Variants in CIB4 observed in about 807,000 individuals in gnomAD.
The protein encoded by CIB4 is calcium and integrin-binding family member 4.
A neutral mutation model predicts 25.8 loss-of-function variants in CIB4; 25 were observed. That is an observed-to-expected ratio of 0.97 (90% CI 0.71 to 1.35). CIB4 has a LOEUF of 1.35. CIB4 is among the 40% of genes most tolerant of loss of function. The probability of loss-of-function intolerance (pLI) is 0.00; values close to 1 mark genes in which losing one functional copy is unlikely to be tolerated. For synonymous variants in CIB4, 75 were observed against 81.4 expected (o/e 0.92, Z 0.42); for missense variants, 235 against 228.2 (o/e 1.03, Z -0.19).
At position 26,596,762 on chromosome 2, in the gene CIB4, A is replaced by G. The variant is rs922924783; in HGVS notation, c.187-1445T>C. 1.4e-4 allele frequency among the ~76,000 whole-genome samples: 20 copies of G among 142,548 alleles called. No individual in the cohort carries two copies. In the East Asian group the frequency reaches 3.7e-3, roughly 27 times the overall value. 93.5% of individuals were successfully genotyped at this position (142,548 alleles called of 152,430 possible). On this transcript the variant is annotated intron_variant, in intron 3 of 6. Transcript: ENST00000288861. ...AACTGCATCTAAAAAAAAAAAAAAA[A>G]GTAAAGCTTATACAGTGATTTGTAA... is the stretch of plus-strand genomic sequence containing the variant.
chr2:26,585,279 C>G (rs183686906), intron 4 of CIB4, among the ~76,000 whole-genome samples: 90 of 147,936 alleles, frequency 6.1e-4, no homozygotes, highest in African/African-American at 2.4e-3. Context: ...CCTGGGATGC[C>G]AGGCAGGGAC....
chr2:26,620,915 C>G (rs1312040146), intron 3 of CIB4, among the ~76,000 whole-genome samples: 1 of 151,954 alleles, frequency 6.6e-6, no homozygotes, highest in Non-Finnish European at 1.5e-5. Flanking sequence ...GTGAAAAACC[C>G]TATTAGAGTT....
At chr2:26,595,576 T>A (rs1035264536) in intron 3 of CIB4, among the ~76,000 whole-genome samples, 2 of 152,248 alleles carry the variant, frequency 1.3e-5, no homozygotes, top group African/African-American at 2.4e-5. Context: ...ATGGTTATAA[T>A]GCAAATGCAA....
At chr2:26,598,994 T>C (rs565717085) in intron 3 of CIB4, among the ~76,000 whole-genome samples, 1 of 152,344 alleles carries the variant, frequency 6.6e-6, no homozygotes, top group East Asian at 1.9e-4. Context: ...AGGTCCAGTT[T>C]ACTGGATTCC....
chr2:26,586,835 A>G (rs1024397255), intron 4 of CIB4, among the ~76,000 whole-genome samples: 1 of 152,164 alleles, frequency 6.6e-6, no homozygotes. Context: ...CCATGTGACC[A>G]TGTTCTGGCC....
In CIB4 at chr2:26,583,779, C is replaced by A; in HGVS notation, c.438+10G>T. The A allele has an allele frequency of 1.3e-6, 2 of 1,575,380 alleles. No individual in the cohort carries two copies. The highest frequency in any genetic ancestry group is 1.7e-6 in the Non-Finnish European group (2 of 1,146,158). On this transcript the variant is annotated intron_variant, in intron 5 of 6. Coordinates refer to ENST00000288861, the MANE Select transcript of CIB4 (RefSeq NM_001029881.3). ...GCCCCAGCCACCAACTCCCAGCCCC[C>A]AGCACACACGTGGTTCGTGAGGTCC...
chr2:26,631,316 A>G (rs1669416283), intron 2 of CIB4, among the ~76,000 whole-genome samples: 1 of 152,154 alleles, frequency 6.6e-6, no homozygotes, highest in Non-Finnish European at 1.5e-5. Context: ...TTCTACAAAA[A>G]AATTGAAAAT....
At chr2:26,589,361 C>A (rs568458321) in intron 4 of CIB4, among the ~76,000 whole-genome samples, 4 of 151,910 alleles carry the variant, frequency 2.6e-5, no homozygotes, top group South Asian at 4.2e-4. Flanking sequence ...CACTCTTCTT[C>A]CCCAGGCTGG....
intron 3 of CIB4, among the ~76,000 whole-genome samples, chr2:26,617,080 A>G (rs1662980): frequency 0.45 from 67,496 of 151,212 alleles, 16,499 homozygotes; most frequent in Non-Finnish European, 0.55. Context: ...GAGACCAGGG[A>G]AGTGGTTTGT....
At chr2:26,615,679 A>G (rs1669078379) in intron 3 of CIB4, among the ~76,000 whole-genome samples, 1 of 152,220 alleles carries the variant, frequency 6.6e-6, no homozygotes. Context: ...TGAGGCCCTG[A>G]GAAGGGTGGT....
intron 4 of CIB4, among the ~76,000 whole-genome samples, chr2:26,588,485 G>A (rs909505315): frequency 9.9e-5 from 15 of 152,212 alleles, no homozygotes; most frequent in Non-Finnish European, 2.2e-4. Context: ...GCTAGGAGGG[G>A]CTCAGAGAGC....
chr2:26,623,719 A>T (rs1669247759), intron 3 of CIB4: 1 of 350,316 alleles, frequency 2.9e-6, no homozygotes, highest in African/African-American at 2.1e-5. Flanking sequence ...AGCCCGGAGC[A>T]GGAGGAGGGA....
At chr2:26,618,140 C>T (rs1396947761) in intron 3 of CIB4, among the ~76,000 whole-genome samples, 1 of 152,190 alleles carries the variant, frequency 6.6e-6, no homozygotes, top group Non-Finnish European at 1.5e-5. Flanking sequence ...AGTCCAGGCC[C>T]TGCCTCCCTC....
At chr2:26,634,822 G>T (rs927082006) in intron 2 of CIB4, among the ~76,000 whole-genome samples, 2 of 152,248 alleles carry the variant, frequency 1.3e-5, no homozygotes, top group African/African-American at 4.8e-5. Flanking sequence ...CTGAGCAGAG[G>T]CTGGAAGCAA....
In CIB4 at chr2:26,610,349, T is replaced by G. The variant is rs1003510941; in HGVS notation, c.187-15032A>C. ...GAAATGGACTCGCACTGCAGCCTCC[T>G]CTCACCAATAGCCGCCTCTCCCCCT... On this transcript the variant is annotated intron_variant, in intron 3 of 6. Coordinates refer to ENST00000288861, the MANE Select transcript of CIB4 (RefSeq NM_001029881.3). Among the ~76,000 whole-genome samples the G allele has an allele frequency of 7.2e-5, 11 of 152,190 alleles. No individual in the cohort carries two copies. The South Asian group carries it at 2.1e-3, about 29-fold the overall frequency.
intron 2 of CIB4, among the ~76,000 whole-genome samples, chr2:26,639,382 T>C (rs1005782971): frequency 2.0e-5 from 3 of 150,648 alleles, no homozygotes; most frequent in African/African-American, 4.9e-5. Flanking sequence ...GTGTGTGATG[T>C]TCCCCTCCCT....
chr2:26,583,658 C>T (rs58604989), intron 5 of CIB4, 131 bp downstream of exon 5: 9,118 of 678,568 alleles, frequency 0.013, 395 homozygotes, highest in African/African-American at 0.11. Context: ...CACCAAAGGC[C>T]AATGTGTCAT....
rs552926412 is a variant in CIB4 at position 26,605,533 on chromosome 2, G to C, written c.187-10216C>G. ...ACAGGGGAGTGGACGCCCTTTCAGG[G>C]AAGGCTCTTCTTCCTTCATCTCACT... is the stretch of plus-strand genomic sequence containing the variant. On this transcript the variant is annotated intron_variant, in intron 3 of 6. Coordinates refer to ENST00000288861, the MANE Select transcript of CIB4 (RefSeq NM_001029881.3). 78 of 471,136 alleles carry C rather than the reference G, an allele frequency of 1.7e-4. 1 individual carries two copies. Among genetic ancestry groups the C allele is most frequent in the South Asian group, 1.1e-3 (72 of 64,558 alleles). The allele number at this position is 471,136 out of a possible 1,614,324, so 29.2% of individuals were successfully genotyped here.
At chr2:26,592,900 G>T (rs1299068135) in intron 4 of CIB4, among the ~76,000 whole-genome samples, 1 of 152,158 alleles carries the variant, frequency 6.6e-6, no homozygotes, top group Non-Finnish European at 1.5e-5. Context: ...GATGATTAAT[G>T]GTACGTGTCA....
Sources: gnomAD v4.1 joint callset for allele counts (sites outside exome capture counted in the v4.1 genomes callset) on GRCh38, gnomAD v4.1.1 for gene constraint, MANE v1.5 for transcripts, NCBI Gene and HGNC (gene_info 2026-07-23, HGNC 2026-07-21) for gene names.